The following PHKB variants were observed in gnomAD, a reference collection of about 807,000 sequenced individuals.
PHKB encodes the protein phosphorylase b kinase regulatory subunit beta.
PHKB carries 122 observed loss-of-function variants against 152.1 expected under a neutral mutation model. The ratio of observed to expected loss-of-function variants is 0.80; its 90% confidence interval spans 0.69 to 0.93. PHKB has a LOEUF of 0.93. Ranked by LOEUF, PHKB falls within the 40% of genes least tolerant of loss-of-function variation. The probability of loss-of-function intolerance (pLI) is 0.00; values close to 1 mark genes in which losing one functional copy is unlikely to be tolerated. For synonymous variants in PHKB, 436 were observed against 464.9 expected, an observed-to-expected ratio of 0.94 and a Z score of 0.80; for missense variants, 1,304 against 1,328.4, an observed-to-expected ratio of 0.98 and a Z score of 0.29.
intron 6 of PHKB, among the ~76,000 whole-genome samples, chr16:47,536,179 G>A (rs1970949168): frequency 6.6e-6 from 1 of 152,128 alleles, no homozygotes. Context: ...AGCCTCCCAA[G>A]TAGCTGGGAT....
chr16:47,500,225 A>G (rs1970302649), intron 3 of PHKB, among the ~76,000 whole-genome samples: 1 of 151,984 alleles, frequency 6.6e-6, no homozygotes, highest in Non-Finnish European at 1.5e-5. Flanking sequence ...TTTGATAGAG[A>G]TGGGGTTTCT....
intron 14 of PHKB, among the ~76,000 whole-genome samples, chr16:47,617,382 A>G (rs1972537953): frequency 6.6e-6 from 1 of 151,804 alleles, no homozygotes; most frequent in South Asian, 2.1e-4. Flanking sequence ...GCCTCTATGT[A>G]TATGAAAACC....
At chr16:47,479,264 C>CA (rs1269981203) in intron 1 of PHKB, among the ~76,000 whole-genome samples, 2 of 152,038 alleles carry the variant, frequency 1.3e-5, no homozygotes, top group Non-Finnish European at 2.9e-5. Context: ...TACGGTGATG[C>CA]AAAGATCTTA....
At chr16:47,546,631 C>T (rs1971171222) in intron 6 of PHKB, among the ~76,000 whole-genome samples, 1 of 152,162 alleles carries the variant, frequency 6.6e-6, no homozygotes, top group Non-Finnish European at 1.5e-5. Context: ...GAACCACTGC[C>T]CTCTTCAGAG....
At chr16:47,609,446 G>C (rs1431043855) in intron 13 of PHKB, among the ~76,000 whole-genome samples, 2 of 126,436 alleles carry the variant, frequency 1.6e-5, no homozygotes, top group Non-Finnish European at 3.3e-5. Flanking sequence ...TGGGTGGGGG[G>C]GGGGCACAGT....
chr16:47,575,545 A>T (rs1216731657), intron 7 of PHKB, among the ~76,000 whole-genome samples: 1 of 152,234 alleles, frequency 6.6e-6, no homozygotes, highest in African/African-American at 2.4e-5. Flanking sequence ...CACATCTTTT[A>T]TAGCAACATG....
At chr16:47,668,522 G>A (rs1973578877) in intron 25 of PHKB, among the ~76,000 whole-genome samples, 1 of 152,206 alleles carries the variant, frequency 6.6e-6, no homozygotes, top group Admixed American at 6.5e-5. Flanking sequence ...GCCAAGTATA[G>A]AGGAGAGAGA....
At chr16:47,564,041 T>C (rs1009104690) in intron 7 of PHKB, among the ~76,000 whole-genome samples, 1 of 150,474 alleles carries the variant, frequency 6.6e-6, no homozygotes, top group Non-Finnish European at 1.5e-5. Context: ...ATGGTGTGTG[T>C]GTGTTTGTCA....
rs113082580 is a variant in PHKB at position 47,603,312 on chromosome 16, A to C, written c.1363+6781A>C. Among the ~76,000 whole-genome samples, 112 of 152,242 alleles carry C rather than the reference A, an allele frequency of 7.4e-4. 2 individuals carry two copies. The highest frequency in any genetic ancestry group is 2.5e-3 in the African/African-American group (104 of 41,532). ...CATGTTGGTTGCTAAGAGATTTCCC[A>C]GTTGTTGCACTTCAGGAAACTTCAA... On this transcript the variant is annotated intron_variant, in intron 13 of 30. Transcript: ENST00000323584.
intron 27 of PHKB, among the ~76,000 whole-genome samples, chr16:47,691,127 C>G (rs1974052552): frequency 6.6e-6 from 1 of 152,140 alleles, no homozygotes; most frequent in South Asian, 2.1e-4. Flanking sequence ...TAATCTCAGT[C>G]TATTCATCAG....
chr16:47,616,194 T>G (rs1972511153), intron 14 of PHKB, among the ~76,000 whole-genome samples: 1 of 152,122 alleles, frequency 6.6e-6, no homozygotes. Flanking sequence ...ATTTATCTAT[T>G]TTTTTCCTTT....
At chr16:47,536,598 G>A (rs949098202) in intron 6 of PHKB, among the ~76,000 whole-genome samples, 1 of 152,174 alleles carries the variant, frequency 6.6e-6, no homozygotes, top group African/African-American at 2.4e-5. Context: ...AGTAACCCCA[G>A]CATGGCTTAG....
At chr16:47,568,549 T>A (rs1971606323) in intron 7 of PHKB, among the ~76,000 whole-genome samples, 1 of 152,162 alleles carries the variant, frequency 6.6e-6, no homozygotes, top group Non-Finnish European at 1.5e-5. Flanking sequence ...TGATCTCTCT[T>A]GTTTTTCTTC....
chr16:47,543,043 T>G (rs149918659), intron 6 of PHKB, among the ~76,000 whole-genome samples: 2 of 152,318 alleles, frequency 1.3e-5, no homozygotes, highest in Admixed American at 1.3e-4. Context: ...TTATGTTGAA[T>G]AGGAGTGGTG....
At chr16:47,548,673 T>A (rs1971217866) in intron 7 of PHKB, among the ~76,000 whole-genome samples, 1 of 151,894 alleles carries the variant, frequency 6.6e-6, no homozygotes, top group African/African-American at 2.4e-5. Context: ...GTTCTCTATT[T>A]TATGATAGAC....
rs560788855 is a variant in PHKB at position 47,623,837 on chromosome 16, C to T, written c.1458+12917C>T. 8.5e-4 allele frequency among the ~76,000 whole-genome samples: 129 copies of T among 152,180 alleles called. 1 individual carries two copies. Among genetic ancestry groups the T allele is most frequent in the African/African-American group, 2.9e-3 (122 of 41,552 alleles). ...CCTTCCAAAGTACTGGGATTACAGGCGTGAGCCACCTCGCCCAGCCTGACA... is the reference window on the plus strand; with the variant it reads ...CCTTCCAAAGTACTGGGATTACAGGTGTGAGCCACCTCGCCCAGCCTGACA... On this transcript the variant is annotated intron_variant, in intron 14 of 30. Transcript: ENST00000323584.
intron 19 of PHKB, 94 bp downstream of exon 19, chr16:47,650,720 C>T (rs1973221971): frequency 8.0e-7 from 1 of 1,246,690 alleles, no homozygotes; most frequent in Non-Finnish European, 1.2e-6. Flanking sequence ...TTTTTGTATC[C>T]TTCTTAGTAT....
intron 1 of PHKB, among the ~76,000 whole-genome samples, chr16:47,487,541 C>T (rs1329358280): frequency 6.6e-6 from 1 of 151,980 alleles, no homozygotes; most frequent in African/African-American, 2.4e-5. Context: ...TTTCATCACT[C>T]AGGTAATGAG....
At chr16:47,571,341 A>C (rs1971654931) in intron 7 of PHKB, among the ~76,000 whole-genome samples, 1 of 152,178 alleles carries the variant, frequency 6.6e-6, no homozygotes, top group Admixed American at 6.5e-5. Flanking sequence ...AGTGGTGGAC[A>C]AAAGTCTCAA....
Sources: allele counts gnomAD v4.1 joint callset (sites outside exome capture counted in the v4.1 genomes callset), GRCh38; gene constraint gnomAD v4.1.1; transcripts MANE v1.5; gene names NCBI Gene and HGNC (gene_info 2026-07-23, HGNC 2026-07-21).